RADIL: variants seen among roughly 807,000 people sequenced by gnomAD.
RADIL encodes the protein ras-associating and dilute domain-containing protein.
RADIL carries 99 observed loss-of-function variants against 97.6 expected under a neutral mutation model. The ratio of observed to expected loss-of-function variants is 1.01; its 90% CI spans 0.86 to 1.20. The LOEUF (loss-of-function observed/expected upper bound fraction) is 1.20. RADIL is among the 50% of genes most tolerant of loss of function. RADIL has a pLI of 0.00. For synonymous variants in RADIL, 803 were observed against 691.8 expected (o/e 1.16, Z -2.52); for missense variants, 1,765 against 1,498.9 (o/e 1.18, Z -2.93).
chr7:4,801,814 G>C lies in RADIL; in HGVS notation c.2681C>G (p.Pro894Arg). The C allele has an allele frequency of 1.2e-6, 2 of 1,607,808 alleles. No individual in the cohort carries two copies. Among genetic ancestry groups the C allele is most frequent in the Non-Finnish European group, 1.7e-6 (2 of 1,177,950 alleles). The change falls in exon 12 of 15, where the codon CCC becomes CGC. Residue 894 changes from proline to arginine, a missense_variant. By Grantham distance (103) the Pro-to-Arg change is moderately radical (BLOSUM62 -2). Transcript: ENST00000399583. The part of the protein sequence containing the change: ...QPSRGGSQAG[P>R]PHTDSSCLLT... ...CAAGCAGGACGAGTCCGTGTGCGGG[G>C]GGCCAGCCTGGGAGCCCCCACGGCT... is the stretch of plus-strand genomic sequence containing the variant.
At chr7:4,808,912 C>T (rs1782442588) in intron 9 of RADIL, 6 of 927,378 alleles carry the variant, frequency 6.5e-6, no homozygotes, top group Non-Finnish European at 7.5e-6. Context: ...CGCCACTGCC[C>T]CCCCACGTCT....
At chr7:4,803,509 C>T (rs1485399239) in intron 11 of RADIL, 37 bp downstream of exon 11, 15 of 1,495,104 alleles carry the variant, frequency 1.0e-5, no homozygotes, top group Admixed American at 6.1e-5. Context: ...CCGGGCACCT[C>T]GGGGCACGCT....
rs78285431 is a variant in RADIL, at chr7:4,864,603, T to C, written c.535+13002A>G. On this transcript the variant is annotated intron_variant, in intron 2 of 14. Coordinates refer to ENST00000399583, the MANE Select transcript of RADIL (RefSeq NM_018059.5). Reference sequence around the variant, plus strand: ...TTGCTTCTCTCTCAGTAGTCTCCATTTTAGGAAATGACATCTCTTTCTACC... The same window carrying C: ...TTGCTTCTCTCTCAGTAGTCTCCATCTTAGGAAATGACATCTCTTTCTACC... Among the ~76,000 whole-genome samples, 1,380 of 152,310 alleles carry C rather than the reference T, an allele frequency of 9.1e-3. 9 individuals carry two copies. Among genetic ancestry groups the C allele is most frequent in the Middle Eastern group, 0.02 (6 of 294 alleles).
At chr7:4,860,475 T>C in intron 2 of RADIL, 1 of 1,614,150 alleles carries the variant, frequency 6.2e-7, no homozygotes, top group South Asian at 1.1e-5. Flanking sequence ...TTATCTGGCT[T>C]TTTTAGCCCT....
rs375264508 is a variant in RADIL, at chr7:4,817,236, C to T, written c.1728+3G>A. On this transcript the variant is annotated splice_donor_region_variant and intron_variant, in intron 7 of 14. Transcript: ENST00000399583. The surrounding 1 kb of genome is among the most constrained non-coding windows in gnomAD (Gnocchi z 8.3). ...AGTGCAGAAGCAGAGCCCGTCCGTG[C>T]ACCTTGGAGACATAGTAGACGCACT... The T allele has an allele frequency of 3.1e-5, 50 of 1,608,328 alleles. No individual in the cohort carries two copies. In the African/African-American group the frequency reaches 5.2e-4, roughly 17 times the overall value.
At position 4,835,082 on chromosome 7, in the gene RADIL, C is replaced by T; in HGVS notation, c.941G>A (p.Arg314Lys). The change falls in exon 4 of 15, where the codon AGG becomes AAG. Residue 314 changes from arginine to lysine, a missense_variant. Physicochemically the swap from Arg to Lys is conservative, Grantham distance 26. Coordinates refer to ENST00000399583, the MANE Select transcript of RADIL (RefSeq NM_018059.5). The surrounding 1 kb of genome is among the most constrained non-coding windows in gnomAD (Gnocchi z 5.8). ...PLPDSGQAAG[R>K]LVLEPIPGAH... ...CCCGGGGATGGGCTCCAGGACCAGC[C>T]TCCCCGCGGCCTGGCCGCTGTCCGG... The T allele has an allele frequency of 6.2e-7, 1 of 1,607,530 alleles. No individual in the cohort carries two copies.
chr7:4,867,557 G>C lies in RADIL; in HGVS notation c.535+10048C>G, dbSNP rs557841387. On this transcript the variant is annotated intron_variant, in intron 2 of 14. Transcript: ENST00000399583. This position sits in a 1 kb window ranked among gnomAD's most constrained non-coding sequence, Gnocchi z 4.1. ...GCACTTTGGGAGGCTGAGGTGGGAG[G>C]ATCACTTGAGCCCAGGAGTTTGAGA... 1.6e-4 allele frequency among the ~76,000 whole-genome samples: 24 copies of C among 152,104 alleles called. 2 individuals carry two copies. Among genetic ancestry groups the C allele is most frequent in the African/African-American group, 5.5e-4 (23 of 41,480 alleles).
In RADIL at chr7:4,799,214, A is replaced by T; in HGVS notation, c.*164T>A. ...TCACGTCATCTGCCATATAAATAGA[A>T]CCTACACTGAGATGCATGTTATCAA... On this transcript the variant is annotated 3_prime_UTR_variant, in exon 15 of 15. Transcript: ENST00000399583. 1 of 614,172 alleles carries T rather than the reference A, an allele frequency of 1.6e-6. No individual in the cohort carries two copies. The highest frequency in any genetic ancestry group is 2.9e-6 in the Non-Finnish European group (1 of 345,546). The allele number at this position is 614,172 out of a possible 1,614,324, so 38.0% of individuals were successfully genotyped here.
Position 4,837,844 on chromosome 7 carries a change from C to A in RADIL, c.536-1239G>T, listed in dbSNP as rs115838556. On this transcript the variant is annotated intron_variant, in intron 2 of 14. Transcript: ENST00000399583. The surrounding 1 kb of genome is among the most constrained non-coding windows in gnomAD (Gnocchi z 5.6). ...AACCGCTCACCAGTCCCCAGCTGAC[C>A]CGGCGCTGTCTTTTCTGAGCCCTCT... is the stretch of plus-strand genomic sequence containing the variant. 8.1e-4 allele frequency: 796 copies of A among 985,422 alleles called. 7 individuals carry two copies. The African/African-American group carries it at 0.012, about 15-fold the overall frequency. 61.0% of individuals were successfully genotyped at this position (985,422 alleles called of 1,614,324 possible).
chr7:4,818,921 T>G lies in RADIL; in HGVS notation c.1616-1570A>C, dbSNP rs140010005. On this transcript the variant is annotated intron_variant, in intron 6 of 14. Coordinates refer to ENST00000399583, the MANE Select transcript of RADIL (RefSeq NM_018059.5). This position sits in a 1 kb window ranked among gnomAD's most constrained non-coding sequence, Gnocchi z 7.1. Reference sequence around the variant, plus strand: ...GGGCCTGAGACTCCATTTCTTCTTTTATTTAATTTTTGGTAGAGATGGGAT... The same window carrying G: ...GGGCCTGAGACTCCATTTCTTCTTTGATTTAATTTTTGGTAGAGATGGGAT... 6.6e-6 allele frequency among the ~76,000 whole-genome samples: 1 copy of G among 152,160 alleles called. No homozygotes were observed. The highest frequency in any genetic ancestry group is 1.9e-4 in the East Asian group (1 of 5,158).
chr7:4,843,255 C>T (rs868150489), intron 2 of RADIL, among the ~76,000 whole-genome samples: 14 of 151,794 alleles, frequency 9.2e-5, no homozygotes, highest in African/African-American at 2.7e-4. Context: ...CCTCGTGATC[C>T]GCCTGCCTCG....
chr7:4,815,421 TG>T lies in RADIL; in HGVS notation c.1995del (p.Arg666GlufsTer49). The T allele has an allele frequency of 6.5e-7, 1 of 1,545,716 alleles. No individual in the cohort carries two copies. The highest frequency in any genetic ancestry group is 1.8e-4 in the Middle Eastern group (1 of 5,648). ...AGGCGGGCGCAGGCCTGGACACCTC[TG>T]GGCCAGTGGAAGCAGCTCAGGGAGG... ...RGPSLSCFHW[P>X]RGVQACARLQ... is the part of the protein sequence containing the mutation. On this transcript the variant is annotated frameshift_variant, in exon 9 of 15. Coordinates refer to ENST00000399583, the MANE Select transcript of RADIL (RefSeq NM_018059.5). LOFTEE classifies it high-confidence loss of function. This position sits in a 1 kb window ranked among gnomAD's most constrained non-coding sequence, Gnocchi z 8.0.
At chr7:4,868,731 T>C (rs1784186602) in intron 2 of RADIL, among the ~76,000 whole-genome samples, 1 of 152,238 alleles carries the variant, frequency 6.6e-6, no homozygotes, top group Admixed American at 6.5e-5. Flanking sequence ...CACCTATCTT[T>C]TATCTATACA....
chr7:4,808,526 T>C (rs1484705027), intron 9 of RADIL: 25 of 956,972 alleles, frequency 2.6e-5, no homozygotes, highest in Non-Finnish European at 3.0e-5. Context: ...TTAAAGGGTT[T>C]GAGAAAAACA....
At position 4,821,749 on chromosome 7, in the gene RADIL, G is replaced by A. The variant is rs1034805605; in HGVS notation, c.1615+645C>T. Among the ~76,000 whole-genome samples, 5 of 152,064 alleles carry A rather than the reference G, an allele frequency of 3.3e-5. No individual in the cohort carries two copies. Among genetic ancestry groups the A allele is most frequent in the African/African-American group, 9.7e-5 (4 of 41,418 alleles). On this transcript the variant is annotated intron_variant, in intron 6 of 14. Transcript: ENST00000399583. This position sits in a 1 kb window ranked among gnomAD's most constrained non-coding sequence, Gnocchi z 5.2. ...CATGCTCCTGTAATCCCAGGTACTC[G>A]GGAGGCTGAGGCACGAGAATCGCTT...
At chr7:4,861,796 C>T (rs755130912) in intron 2 of RADIL, 8 of 1,462,492 alleles carry the variant, frequency 5.5e-6, no homozygotes, top group South Asian at 3.1e-5. Flanking sequence ...GGGTTGTCAC[C>T]GGAAACGGCA....
intron 10 of RADIL, 160 bp from the exon 11 acceptor site, chr7:4,803,914 GC>G: frequency 1.4e-6 from 1 of 734,154 alleles, no homozygotes; most frequent in Non-Finnish European, 2.4e-6. Context: ...ACAGTGACTG[GC>G]CCCACCCTAG....
At position 4,816,199 on chromosome 7, in the gene RADIL, G is replaced by A. The variant is rs770028784; in HGVS notation, c.1966+29C>T. On this transcript the variant is annotated intron_variant, in intron 8 of 14. Coordinates refer to ENST00000399583, the MANE Select transcript of RADIL (RefSeq NM_018059.5). ...GTCATGTCCAGGAATGTGAGCCCCC[G>A]ACCCCTCAACCCTGCACGAGGCCCT... The A allele has an allele frequency of 3.2e-6, 5 of 1,581,310 alleles. No homozygotes were observed. The South Asian group carries it at 3.3e-5, about 11-fold the overall frequency.
At chr7:4,876,445 C>T (rs541885693) in intron 2 of RADIL, among the ~76,000 whole-genome samples, 4 of 151,994 alleles carry the variant, frequency 2.6e-5, no homozygotes, top group African/African-American at 7.2e-5. Flanking sequence ...GGATTACAGG[C>T]GCCTGCCACC....
Sources: allele counts gnomAD v4.1 joint callset (sites outside exome capture counted in the v4.1 genomes callset), GRCh38; gene constraint gnomAD v4.1.1; non-coding constraint Gnocchi (gnomAD v3.1); transcripts MANE v1.5; gene names NCBI Gene and HGNC (gene_info 2026-07-23, HGNC 2026-07-21).